Variants in NEGR1 observed in about 807,000 individuals in gnomAD.
NEGR1 encodes neuronal growth regulator 1.
Under a neutral mutation model 40.9 loss-of-function variants are expected in NEGR1, and 10 were observed. The observed-to-expected ratio is 0.24, with a 90% CI of 0.15 to 0.42. The LOEUF (loss-of-function observed/expected upper bound fraction) is 0.42, where lower values mean the gene tolerates loss of function less well. NEGR1 is among the 10% of genes least tolerant of loss of function. The pLI is 1.00. For missense variants in NEGR1, 352 were observed against 438.9 expected, an observed-to-expected ratio of 0.80 and a Z score of 1.77; for synonymous variants, 185 against 166.8, an observed-to-expected ratio of 1.11 and a Z score of -0.84.
At chr1:72,215,374 TTAAAC>T (rs1235111429) in intron 1 of NEGR1, among the ~76,000 whole-genome samples, 2 of 152,052 alleles carry the variant, frequency 1.3e-5, no homozygotes, top group Admixed American at 6.6e-5. Context: ...TGGTATCTAA[TTAAAC>T]TAAAGAGCTT....
chr1:72,088,681 G>A (rs1263459439), intron 1 of NEGR1, among the ~76,000 whole-genome samples: 1 of 151,298 alleles, frequency 6.6e-6, no homozygotes, highest in African/African-American at 2.4e-5. Context: ...TCGTACCTTC[G>A]AATTTATATA....
chr1:72,128,536 T>C (rs897623465), intron 1 of NEGR1, among the ~76,000 whole-genome samples: 4 of 152,152 alleles, frequency 2.6e-5, no homozygotes, highest in Admixed American at 6.5e-5. Flanking sequence ...TATGAATAAA[T>C]ATGGTAGTTA....
chr1:72,116,936 C>A (rs1217786077), intron 1 of NEGR1, among the ~76,000 whole-genome samples: 1 of 151,626 alleles, frequency 6.6e-6, no homozygotes, highest in East Asian at 1.9e-4. Context: ...CAAAATAGTT[C>A]ATTAATAGCT....
At chr1:71,994,409 T>TACC (rs1646484158) in intron 1 of NEGR1, among the ~76,000 whole-genome samples, 1 of 151,850 alleles carries the variant, frequency 6.6e-6, no homozygotes, top group Non-Finnish European at 1.5e-5. Context: ...GCGCCTGTAG[T>TACC]ACCAGCTACT....
chr1:72,044,061 C>T (rs1374076777), intron 1 of NEGR1, among the ~76,000 whole-genome samples: 1 of 151,732 alleles, frequency 6.6e-6, no homozygotes, highest in African/African-American at 2.4e-5. Context: ...GTAAAGACCC[C>T]CCCATACCAA....
At chr1:72,278,108 G>T (rs567822541) in intron 1 of NEGR1, among the ~76,000 whole-genome samples, 1 of 151,956 alleles carries the variant, frequency 6.6e-6, no homozygotes, top group South Asian at 2.1e-4. Flanking sequence ...GTAGAAATAC[G>T]CCCTAAGCAA....
intron 4 of NEGR1, among the ~76,000 whole-genome samples, chr1:71,684,661 T>A (rs1416702934): frequency 6.6e-6 from 1 of 152,200 alleles, no homozygotes; most frequent in Non-Finnish European, 1.5e-5. Flanking sequence ...GCCATTCCAA[T>A]GAGAGGAAGA....
At chr1:71,911,524 T>C (rs1182907224) in intron 2 of NEGR1, among the ~76,000 whole-genome samples, 4 of 152,180 alleles carry the variant, frequency 2.6e-5, no homozygotes, top group Non-Finnish European at 4.4e-5. Flanking sequence ...GTATGAATAA[T>C]GGTAAGGCAT....
At chr1:71,696,699 T>A (rs1213900911) in intron 4 of NEGR1, among the ~76,000 whole-genome samples, 1 of 151,804 alleles carries the variant, frequency 6.6e-6, no homozygotes, top group Non-Finnish European at 1.5e-5. Flanking sequence ...GAGCAGTAGC[T>A]CTCTGCAATA....
intron 3 of NEGR1, among the ~76,000 whole-genome samples, chr1:71,730,288 C>T (rs1654816264): frequency 6.6e-6 from 1 of 151,758 alleles, no homozygotes; most frequent in African/African-American, 2.4e-5. Flanking sequence ...GTAGTGAAAA[C>T]AACAGGAAAT....
chr1:71,577,219 C>A (rs905182510), intron 6 of NEGR1, among the ~76,000 whole-genome samples: 2 of 152,132 alleles, frequency 1.3e-5, no homozygotes, highest in African/African-American at 2.4e-5. Flanking sequence ...GGTGGAGGGT[C>A]TCTAAGCACT....
intron 1 of NEGR1, among the ~76,000 whole-genome samples, chr1:72,139,099 C>CAAAA (rs56186748): frequency 1.4e-5 from 2 of 147,884 alleles, no homozygotes; most frequent in African/African-American, 4.9e-5. Context: ...GCTCATGAGT[C>CAAAA]AAAAAAAAAA....
At chr1:72,097,540 A>T (rs1183206239) in intron 1 of NEGR1, among the ~76,000 whole-genome samples, 1 of 152,220 alleles carries the variant, frequency 6.6e-6, no homozygotes, top group Non-Finnish European at 1.5e-5. Flanking sequence ...GAGATCTAAA[A>T]TGGATTAATA....
In NEGR1 at chr1:72,223,460, T is replaced by C. The variant is rs566123842; in HGVS notation, c.176+58859A>G. Among the ~76,000 whole-genome samples the C allele has an allele frequency of 2.6e-5, 4 of 152,332 alleles. No homozygotes were observed. In the East Asian group the frequency reaches 7.7e-4, roughly 29 times the overall value. On this transcript the variant is annotated intron_variant, in intron 1 of 6. Transcript: ENST00000357731. ...GACTCTTTGGATAATGTTATTATAC[T>C]TGATAACCTAAAAATCTATGATGAG... is the stretch of plus-strand genomic sequence containing the variant.
At chr1:71,763,243 T>TGG (rs1012349531) in intron 3 of NEGR1, among the ~76,000 whole-genome samples, 2 of 152,030 alleles carry the variant, frequency 1.3e-5, no homozygotes, top group Non-Finnish European at 2.9e-5. Flanking sequence ...AAACATTGGG[T>TGG]GGGGGGTCCT....
At chr1:71,812,438 G>T (rs1658036221) in intron 2 of NEGR1, among the ~76,000 whole-genome samples, 1 of 152,090 alleles carries the variant, frequency 6.6e-6, no homozygotes, top group Non-Finnish European at 1.5e-5. Context: ...GGGTCAAATG[G>T]TATTTCTGGT....
At chr1:71,636,616 A>G (rs1651160247) in intron 4 of NEGR1, among the ~76,000 whole-genome samples, 1 of 152,118 alleles carries the variant, frequency 6.6e-6, no homozygotes, top group Admixed American at 6.6e-5. Flanking sequence ...ATTATTTTCT[A>G]ACAGGCATTA....
At chr1:71,567,204 T>C (rs928726922) in intron 6 of NEGR1, among the ~76,000 whole-genome samples, 1 of 151,926 alleles carries the variant, frequency 6.6e-6, no homozygotes, top group Non-Finnish European at 1.5e-5. Flanking sequence ...TGTGTGTGTG[T>C]GGTTTTATTT....
chr1:71,740,236 T>A (rs1655173178), intron 3 of NEGR1, among the ~76,000 whole-genome samples: 1 of 152,184 alleles, frequency 6.6e-6, no homozygotes, highest in South Asian at 2.1e-4. Flanking sequence ...CAACCATTCT[T>A]CTCCATTTCG....
Sources: allele counts gnomAD v4.1 joint callset (sites outside exome capture counted in the v4.1 genomes callset), GRCh38; gene constraint gnomAD v4.1.1; transcripts MANE v1.5; gene names NCBI Gene and HGNC (gene_info 2026-07-23, HGNC 2026-07-21).